Variants in XKR4 observed in about 807,000 individuals in gnomAD.
XKR4 encodes the protein XK-related protein 4.
XKR4 carries 12 observed loss-of-function variants against 53.9 expected under a neutral mutation model. The ratio of observed to expected loss-of-function variants is 0.22; its 90% CI spans 0.14 to 0.36. The LOEUF (loss-of-function observed/expected upper bound fraction) is 0.36. Among genes scored for constraint, XKR4 ranks in the 10% least tolerant of loss-of-function variants. XKR4 has a pLI of 1.00. For missense variants in XKR4, 799 were observed against 859.5 expected, an observed-to-expected ratio of 0.93 and a Z score of 0.88; for synonymous variants, 354 against 362.4, an observed-to-expected ratio of 0.98 and a Z score of 0.26.
At chr8:55,434,059 T>C (rs1805139877) in intron 2 of XKR4, among the ~76,000 whole-genome samples, 1 of 151,998 alleles carries the variant, frequency 6.6e-6, no homozygotes, top group Non-Finnish European at 1.5e-5. Flanking sequence ...AAATTAGCTA[T>C]CACCAGAGAA....
intron 1 of XKR4, among the ~76,000 whole-genome samples, chr8:55,215,385 C>T (rs994155673): frequency 6.6e-6 from 1 of 152,156 alleles, no homozygotes; most frequent in African/African-American, 2.4e-5. Context: ...AAAGACAGCA[C>T]ACCTTACAGA....
chr8:55,129,293 C>A (rs1409923949), intron 1 of XKR4, among the ~76,000 whole-genome samples: 1 of 152,180 alleles, frequency 6.6e-6, no homozygotes, highest in African/African-American at 2.4e-5. Context: ...CCTCAAAGGA[C>A]TTCTTTCCTG....
intron 2 of XKR4, among the ~76,000 whole-genome samples, chr8:55,412,853 G>A (rs886250900): frequency 2.0e-5 from 3 of 152,196 alleles, no homozygotes; most frequent in Admixed American, 1.3e-4. Context: ...GATGAACAAT[G>A]GAGGGAGGAG....
At chr8:55,353,418 G>A (rs891352903) in intron 1 of XKR4, among the ~76,000 whole-genome samples, 2 of 152,134 alleles carry the variant, frequency 1.3e-5, no homozygotes, top group Non-Finnish European at 2.9e-5. Context: ...TACAAGCTGA[G>A]GAATGCCAAA....
At chr8:55,331,684 A>G (rs1367255262) in intron 1 of XKR4, among the ~76,000 whole-genome samples, 4 of 152,204 alleles carry the variant, frequency 2.6e-5, no homozygotes, top group Non-Finnish European at 5.9e-5. Flanking sequence ...ACCCTTTATC[A>G]TTACATAAGG....
At chr8:55,511,379 G>A (rs1405971922) in intron 2 of XKR4, among the ~76,000 whole-genome samples, 1 of 152,176 alleles carries the variant, frequency 6.6e-6, no homozygotes, top group African/African-American at 2.4e-5. Context: ...GACAAAGGAA[G>A]TGTCCGTTGA....
rs191513450 is a variant in XKR4, at chr8:55,208,812, A to G, written c.806+105518A>G. 2.8e-4 allele frequency among the ~76,000 whole-genome samples: 42 copies of G among 152,020 alleles called. 1 individual carries two copies. In the East Asian group the frequency reaches 7.6e-3, roughly 27 times the overall value. On this transcript the variant is annotated intron_variant, in intron 1 of 2. Transcript: ENST00000327381. ...GAAACCTTAAAACCCTACCGTGTGG[A>G]CCCCCGCAGTTTGTCCCCTGCAAGC...
Position 55,540,098 on chromosome 8 carries a change from C to A in XKR4, c.*15871C>A, listed in dbSNP as rs539521010. 6.6e-6 allele frequency: 1 copy of A among 152,260 alleles called. No homozygotes were observed. Among genetic ancestry groups the A allele is most frequent in the South Asian group, 2.1e-4 (1 of 4,814 alleles). 9.4% of individuals were successfully genotyped at this position (152,260 alleles called of 1,614,324 possible). On this transcript the variant is annotated 3_prime_UTR_variant, in exon 3 of 3. Transcript: ENST00000327381. ...CAGCCTCTTTTCAAGGCTTTCCAGA[C>A]CACATGGAACTCTCCAGAGCCCTCC...
Position 55,452,791 on chromosome 8 carries a change from TG to T in XKR4, c.1007-70489del. Reference sequence around the variant, plus strand: ...TAGCTCTCAGCCACACTGCCAGCCATGCTGTTGGGGACCAGGCTGTTGCTGG... The same window carrying T: ...TAGCTCTCAGCCACACTGCCAGCCATCTGTTGGGGACCAGGCTGTTGCTGG... On this transcript the variant is annotated intron_variant, in intron 2 of 2. Transcript: ENST00000327381. 6.5e-5 allele frequency: 51 copies of T among 786,448 alleles called. 2 individuals are homozygous for T. In the South Asian group the frequency reaches 6.8e-4, roughly 11 times the overall value. 48.7% of individuals were successfully genotyped at this position (786,448 alleles called of 1,614,324 possible). A position where few individuals can be genotyped will look rare whatever the true frequency, so the allele number is the denominator to read the frequency against.
chr8:55,414,650 AAAGACCAGG>A (rs1394843520), intron 2 of XKR4, among the ~76,000 whole-genome samples: 1 of 151,994 alleles, frequency 6.6e-6, no homozygotes, highest in African/African-American at 2.4e-5. Context: ...ACAAGTGCAT[AAAGACCAGG>A]AAGTGGAGAT....
chr8:55,318,775 C>A (rs1020114138), intron 1 of XKR4, among the ~76,000 whole-genome samples: 1 of 152,156 alleles, frequency 6.6e-6, no homozygotes, highest in African/African-American at 2.4e-5. Context: ...CCATCAGGCA[C>A]GCAACCTCCA....
intron 2 of XKR4, among the ~76,000 whole-genome samples, chr8:55,416,979 A>C (rs949800418): frequency 1.3e-5 from 2 of 152,210 alleles, no homozygotes; most frequent in Non-Finnish European, 2.9e-5. Context: ...CCTGCTCTGA[A>C]TATTAGAGTC....
At chr8:55,355,309 G>C (rs1259960785) in intron 1 of XKR4, among the ~76,000 whole-genome samples, 3 of 152,022 alleles carry the variant, frequency 2.0e-5, no homozygotes, top group African/African-American at 4.8e-5. Context: ...AGAAGACGGA[G>C]AGGAGGAAAA....
intron 1 of XKR4, among the ~76,000 whole-genome samples, chr8:55,167,792 A>G (rs181414728): frequency 6.6e-6 from 1 of 152,316 alleles, no homozygotes; most frequent in Admixed American, 6.5e-5. Flanking sequence ...AAAAGAAAAG[A>G]GGTGCAATGA....
At chr8:55,423,306 G>C in intron 2 of XKR4, among the ~76,000 whole-genome samples, 1 of 152,088 alleles carries the variant, frequency 6.6e-6, no homozygotes, top group South Asian at 2.1e-4. Flanking sequence ...TGTTGGCCAG[G>C]CTGGTCTCAA....
chr8:55,454,329 TGCTGAG>T (rs1042276987), intron 2 of XKR4: 298 of 1,502,622 alleles, frequency 2.0e-4, no homozygotes, highest in Non-Finnish European at 2.5e-4. Flanking sequence ...GGCGTGGGTG[TGCTGAG>T]GGCCTCCAGC....
intron 1 of XKR4, among the ~76,000 whole-genome samples, chr8:55,301,339 G>A (rs1819193036): frequency 6.6e-6 from 1 of 151,754 alleles, no homozygotes; most frequent in South Asian, 2.1e-4. Flanking sequence ...CATTTTTTAT[G>A]GCTGCATAGT....
In XKR4 at chr8:55,517,416, A is replaced by C. The variant is rs534349551; in HGVS notation, c.1007-5865A>C. ...TGCACACCCTCCCTCCTGGAGTCAC[A>C]TCCGTCAGTACCCACGCAGATACAG... On this transcript the variant is annotated intron_variant, in intron 2 of 2. Coordinates refer to ENST00000327381, the MANE Select transcript of XKR4 (RefSeq NM_052898.2). 5 of 152,260 alleles carry C rather than the reference A, an allele frequency of 3.3e-5. No homozygotes were observed. In the East Asian group the frequency reaches 7.7e-4, roughly 24 times the overall value. 9.4% of individuals were successfully genotyped at this position (152,260 alleles called of 1,614,324 possible). A position where few individuals can be genotyped will look rare whatever the true frequency, so the allele number is the denominator to read the frequency against.
At chr8:55,203,958 T>C (rs1817609760) in intron 1 of XKR4, among the ~76,000 whole-genome samples, 1 of 152,164 alleles carries the variant, frequency 6.6e-6, no homozygotes, top group African/African-American at 2.4e-5. Context: ...CTGGAAGAGA[T>C]GTGTACATAA....
Sources: gnomAD v4.1 joint callset for allele counts (sites outside exome capture counted in the v4.1 genomes callset) on GRCh38, gnomAD v4.1.1 for gene constraint, MANE v1.5 for transcripts, NCBI Gene and HGNC (gene_info 2026-07-23, HGNC 2026-07-21) for gene names.